Variants in NCOR1 observed in about 807,000 individuals in gnomAD.
NCOR1 encodes nuclear receptor corepressor 1.
Under a neutral mutation model 288.1 loss-of-function variants are expected in NCOR1, and 63 were observed. The ratio of observed to expected loss-of-function variants is 0.22; its 90% confidence interval spans 0.18 to 0.27. The LOEUF is 0.27. Among genes scored for constraint, NCOR1 ranks in the 10% least tolerant of loss-of-function variants. The pLI, the probability that NCOR1 is intolerant of heterozygous loss-of-function variation, is 1.00. For missense variants in NCOR1, 2,397 were observed against 3,019.2 expected (o/e 0.79, Z 4.83); for synonymous variants, 1,007 against 1,065.9 (o/e 0.94, Z 1.08).
chr17:16,045,701 T>C (rs1047003110), intron 42 of NCOR1, among the ~76,000 whole-genome samples: 1 of 152,166 alleles, frequency 6.6e-6, no homozygotes, highest in East Asian at 1.9e-4. Flanking sequence ...AGACAGGGTT[T>C]CACCATCTTG....
At position 16,123,179 on chromosome 17, in the gene NCOR1, C is replaced by G. The variant is rs534874394; in HGVS notation, c.1635-1910G>C. ...CCTCTGCTCCTTGCTCCACGTCACT[C>G]TCTAATCATTTGTTGTTAACATTCC... is the stretch of plus-strand genomic sequence containing the variant. On this transcript the variant is annotated intron_variant, in intron 15 of 45. Coordinates refer to ENST00000268712, the MANE Select transcript of NCOR1 (RefSeq NM_006311.4). Among the ~76,000 whole-genome samples the G allele has an allele frequency of 2.0e-5, 3 of 152,258 alleles. No individual in the cohort carries two copies. In the South Asian group the frequency reaches 6.2e-4, roughly 32 times the overall value.
intron 18 of NCOR1, among the ~76,000 whole-genome samples, chr17:16,110,768 A>G (rs1030373406): frequency 6.6e-6 from 1 of 152,234 alleles, no homozygotes; most frequent in Admixed American, 6.5e-5. Flanking sequence ...GATGATATTT[A>G]GGATCCAACT....
At chr17:16,076,227 T>A (rs1328688252) in intron 26 of NCOR1, among the ~76,000 whole-genome samples, 2 of 152,246 alleles carry the variant, frequency 1.3e-5, no homozygotes, top group African/African-American at 2.4e-5. Flanking sequence ...TTATATTTAT[T>A]TTAGACGATG....
intron 9 of NCOR1, among the ~76,000 whole-genome samples, chr17:16,148,620 A>G (rs557474103): frequency 6.6e-6 from 1 of 150,738 alleles, no homozygotes; most frequent in African/African-American, 2.4e-5. Flanking sequence ...AGGAAAAAAA[A>G]ATACATGAGC....
Position 16,199,150 on chromosome 17 carries a change from C to T in NCOR1, c.-70-4511G>A, listed in dbSNP as rs79291836. On this transcript the variant is annotated intron_variant, in intron 1 of 45. Coordinates refer to ENST00000268712, the MANE Select transcript of NCOR1 (RefSeq NM_006311.4). The stretch of plus-strand genomic sequence containing the variant: ...TTAGTGAAGTTTAACTTTATTATCT[C>T]AAAAAAAAAAAAAGTCAGTTTTCTT... 0.011 allele frequency among the ~76,000 whole-genome samples: 1,056 copies of T among 94,680 alleles called. 46 individuals are homozygous for T. In the East Asian group the frequency reaches 0.14, roughly 13 times the overall value. The allele number at this position is 94,680 out of a possible 152,430, so 62.1% of individuals were successfully genotyped here. A position where few individuals can be genotyped will look rare whatever the true frequency, so the allele number is the denominator to read the frequency against.
chr17:16,175,892 T>A lies in NCOR1; in HGVS notation c.243-3897A>T, dbSNP rs545407453. 3.3e-5 allele frequency among the ~76,000 whole-genome samples: 5 copies of A among 151,046 alleles called. No individual in the cohort carries two copies. In the South Asian group the frequency reaches 1.0e-3, roughly 32 times the overall value. On this transcript the variant is annotated intron_variant, in intron 3 of 45. Coordinates refer to ENST00000268712, the MANE Select transcript of NCOR1 (RefSeq NM_006311.4). ...AACTACCAATCCTCTTACCATGGCA[T>A]CCATTCTTTGTTTGGCTGGATTCGG...
chr17:16,061,375 T>C, intron 37 of NCOR1, 26 bp downstream of exon 37: 1 of 1,600,388 alleles, frequency 6.2e-7, no homozygotes, highest in Non-Finnish European at 8.5e-7. Context: ...GACATCACAT[T>C]GTGAAACTCG....
chr17:16,080,412 G>A lies in NCOR1; in HGVS notation c.3396C>T (p.Val1132=). ...CTGCCAACCAGCATATTTTACCTCT[G>A]ACTACACCTTCATGTTGGGCCCTGA... ...LLVRAQHEGV[V]RGTAGAIQEG... is the part of the protein sequence containing the mutation. Residue 1132 remains valine (V), a synonymous_variant, in exon 25 of 46, where the codon GTC becomes GTT. Coordinates refer to ENST00000268712, the MANE Select transcript of NCOR1 (RefSeq NM_006311.4). 6.2e-7 allele frequency: 1 copy of A among 1,613,070 alleles called. No individual in the cohort carries two copies. Among genetic ancestry groups the A allele is most frequent in the Non-Finnish European group, 8.5e-7 (1 of 1,179,238 alleles).
intron 42 of NCOR1, chr17:16,044,811 G>A: frequency 3.6e-6 from 4 of 1,102,914 alleles, no homozygotes; most frequent in Non-Finnish European, 1.4e-6. Context: ...TACAATGTAG[G>A]GGCTGGTGGA....
intron 1 of NCOR1, among the ~76,000 whole-genome samples, chr17:16,197,421 G>A (rs1437515447): frequency 2.0e-5 from 3 of 152,040 alleles, no homozygotes; most frequent in Non-Finnish European, 4.4e-5. Context: ...GTTTCCTGCT[G>A]TTGTGAAAGC....
intron 21 of NCOR1, among the ~76,000 whole-genome samples, chr17:16,092,695 A>ATTTTTT (rs1184440315): frequency 9.3e-4 from 21 of 22,600 alleles, no homozygotes; most frequent in Non-Finnish European, 1.0e-3. Flanking sequence ...ATATATATAT[A>ATTTTTT]TTTTTTTTTT....
intron 40 of NCOR1, chr17:16,049,543 T>G (rs1384566488): frequency 6.6e-6 from 1 of 152,132 alleles, no homozygotes; most frequent in East Asian, 1.9e-4. Flanking sequence ...TTGGTAAGAA[T>G]AATATAAGAT....
At chr17:16,131,285 C>T (rs1400569701) in intron 14 of NCOR1, among the ~76,000 whole-genome samples, 1 of 152,140 alleles carries the variant, frequency 6.6e-6, no homozygotes, top group Non-Finnish European at 1.5e-5. Flanking sequence ...CTCAGCCTCC[C>T]AAAGTGCTGG....
chr17:16,069,723 T>C (rs2061530089), intron 31 of NCOR1, among the ~76,000 whole-genome samples: 1 of 152,196 alleles, frequency 6.6e-6, no homozygotes, highest in South Asian at 2.1e-4. Context: ...CATTATGATT[T>C]TACAGATCAG....
Position 16,203,040 on chromosome 17 carries a change from TACACACACACAC to T in NCOR1, c.-70-8413_-70-8402del, listed in dbSNP as rs57228948. ...AACAGCAAGTTGTTTAGCTGTTCCT[TACACACACACAC>T]ACACACACACACACACACACTCTGA... On this transcript the variant is annotated intron_variant, in intron 1 of 45. Transcript: ENST00000268712. Among the ~76,000 whole-genome samples, 442 of 146,778 alleles carry T rather than the reference TACACACACACAC, an allele frequency of 3.0e-3. 3 individuals carry two copies. The highest frequency in any genetic ancestry group is 9.9e-3 in the African/African-American group (389 of 39,202).
chr17:16,206,614 G>C (rs138484163), intron 1 of NCOR1, among the ~76,000 whole-genome samples: 2,447 of 152,276 alleles, frequency 0.016, 63 homozygotes, highest in African/African-American at 0.055. Flanking sequence ...TTGAAGTCCT[G>C]ACCTCCGGTG....
chr17:16,147,112 T>C (rs2078109585), intron 9 of NCOR1, among the ~76,000 whole-genome samples: 2 of 152,142 alleles, frequency 1.3e-5, no homozygotes, highest in Admixed American at 1.3e-4. Context: ...TTGTGCTTTA[T>C]CATAAAAAGA....
chr17:16,031,859 T>C lies in NCOR1; in HGVS notation c.*437A>G, dbSNP rs748718494. 1.2e-4 allele frequency: 27 copies of C among 233,968 alleles called. No homozygotes were observed. In the South Asian group the frequency reaches 1.2e-3, roughly 11 times the overall value. 14.5% of individuals were successfully genotyped at this position (233,968 alleles called of 1,614,324 possible). ...AGAAGGCTAGGGTTAAAAAGATAGA[T>C]AGACAAAAAGATTTTTAAAAATCAC... On this transcript the variant is annotated 3_prime_UTR_variant, in exon 46 of 46. Coordinates refer to ENST00000268712, the MANE Select transcript of NCOR1 (RefSeq NM_006311.4).
At chr17:16,204,032 G>C (rs1194418946) in intron 1 of NCOR1, among the ~76,000 whole-genome samples, 1 of 151,874 alleles carries the variant, frequency 6.6e-6, no homozygotes, top group Admixed American at 6.6e-5. Flanking sequence ...GTAATGAACA[G>C]GTAACTAACC....
Sources: gnomAD v4.1 joint callset for allele counts (sites outside exome capture counted in the v4.1 genomes callset) on GRCh38, gnomAD v4.1.1 for gene constraint, MANE v1.5 for transcripts, NCBI Gene and HGNC (gene_info 2026-07-23, HGNC 2026-07-21) for gene names.